Variants in KCNAB1 observed in about 807,000 individuals in gnomAD.
KCNAB1 encodes the protein potassium voltage-gated channel subfamily A regulatory beta subunit 1, also known as voltage-gated potassium channel subunit beta-1.
A neutral mutation model predicts 64.6 loss-of-function variants in KCNAB1; 35 were observed. The observed-to-expected ratio is 0.54, with a 90% CI of 0.41 to 0.72. The LOEUF is 0.72. KCNAB1 is among the 30% of genes least tolerant of loss of function. KCNAB1 has a pLI of 0.00. For synonymous variants in KCNAB1, 177 were observed against 183.8 expected (o/e 0.96, Z 0.30); for missense variants, 401 against 512.9 (o/e 0.78, Z 2.11).
chr3:156,377,811 T>A (rs1711804265), intron 1 of KCNAB1, among the ~76,000 whole-genome samples: 2 of 151,954 alleles, frequency 1.3e-5, no homozygotes, highest in African/African-American at 4.8e-5. Context: ...AAAGCTTCCA[T>A]AAGAACAAGC....
chr3:156,522,330 A>C (rs1718005235), intron 11 of KCNAB1, among the ~76,000 whole-genome samples: 1 of 152,088 alleles, frequency 6.6e-6, no homozygotes, highest in African/African-American at 2.4e-5. Context: ...TGAGGACACC[A>C]AAAGTAAGTT....
intron 7 of KCNAB1, among the ~76,000 whole-genome samples, chr3:156,470,266 C>G (rs1417824620): frequency 2.6e-5 from 4 of 152,158 alleles, no homozygotes; most frequent in Admixed American, 2.0e-4. Flanking sequence ...TCACAAAGTC[C>G]CCTCAGGTTC....
chr3:156,127,918 T>TGTGTGC (rs33965119), intron 1 of KCNAB1, among the ~76,000 whole-genome samples: 139 of 149,952 alleles, frequency 9.3e-4, no homozygotes, highest in South Asian at 8.4e-3. Flanking sequence ...TGTGTGTGTG[T>TGTGTGC]GCACGTGCGT....
chr3:156,225,940 T>G (rs1317219213), intron 1 of KCNAB1, among the ~76,000 whole-genome samples: 1 of 152,078 alleles, frequency 6.6e-6, no homozygotes, highest in Non-Finnish European at 1.5e-5. Context: ...GACATACAAA[T>G]GGAAACACAT....
At chr3:156,170,571 A>C (rs1711901860) in intron 1 of KCNAB1, among the ~76,000 whole-genome samples, 1 of 152,192 alleles carries the variant, frequency 6.6e-6, no homozygotes, top group Non-Finnish European at 1.5e-5. Flanking sequence ...ATTGCTGGTG[A>C]CAATTGGATC....
At chr3:156,360,452 A>G (rs956586985) in intron 1 of KCNAB1, among the ~76,000 whole-genome samples, 7 of 152,186 alleles carry the variant, frequency 4.6e-5, no homozygotes, top group Admixed American at 1.3e-4. Context: ...GCTCATGCCT[A>G]TAATCCCAGT....
At chr3:156,403,218 A>G (rs1417930727) in intron 1 of KCNAB1, among the ~76,000 whole-genome samples, 1 of 152,206 alleles carries the variant, frequency 6.6e-6, no homozygotes, top group African/African-American at 2.4e-5. Context: ...AAGTGTAGGA[A>G]ACTTCCAGGC....
intron 1 of KCNAB1, among the ~76,000 whole-genome samples, chr3:156,267,129 A>AT (rs1718768195): frequency 6.6e-6 from 1 of 152,188 alleles, no homozygotes; most frequent in Admixed American, 6.5e-5. Context: ...GGTATATAGT[A>AT]TATCTTTTTT....
chr3:156,188,433 T>C (rs1431952447), intron 1 of KCNAB1, among the ~76,000 whole-genome samples: 1 of 152,172 alleles, frequency 6.6e-6, no homozygotes, highest in African/African-American at 2.4e-5. Flanking sequence ...AAAAAAGCCA[T>C]GGTAAATATT....
chr3:156,439,516 G>A (rs868707644), intron 2 of KCNAB1, among the ~76,000 whole-genome samples: 14 of 152,192 alleles, frequency 9.2e-5, no homozygotes, highest in African/African-American at 3.1e-4. Flanking sequence ...CTTGCCAAGC[G>A]GACCTTAAAA....
At chr3:156,261,032 C>G (rs1718401244) in intron 1 of KCNAB1, among the ~76,000 whole-genome samples, 1 of 152,050 alleles carries the variant, frequency 6.6e-6, no homozygotes. Flanking sequence ...ATTGGCCATT[C>G]ACTTATTCTC....
intron 1 of KCNAB1, among the ~76,000 whole-genome samples, chr3:156,256,506 A>G (rs1718109341): frequency 1.3e-5 from 2 of 152,146 alleles, no homozygotes; most frequent in Non-Finnish European, 1.5e-5. Context: ...ATTTCATGAT[A>G]TCCTCAGGCA....
At chr3:156,334,403 T>G (rs1024468837) in intron 1 of KCNAB1, among the ~76,000 whole-genome samples, 1 of 152,200 alleles carries the variant, frequency 6.6e-6, no homozygotes, top group African/African-American at 2.4e-5. Context: ...GGAACCACCT[T>G]GGAAGGGCCT....
intron 1 of KCNAB1, among the ~76,000 whole-genome samples, chr3:156,238,413 C>G (rs1716976098): frequency 8.9e-6 from 1 of 112,268 alleles, no homozygotes; most frequent in Non-Finnish European, 1.7e-5. Flanking sequence ...AAGAGCGAGA[C>G]TTGGTCTCAA....
At position 156,152,103 on chromosome 3, in the gene KCNAB1, G is replaced by A. The variant is rs1013059918; in HGVS notation, c.275+31217G>A. Among the ~76,000 whole-genome samples the A allele has an allele frequency of 2.6e-5, 4 of 152,174 alleles. No homozygotes were observed. In the South Asian group the frequency reaches 8.3e-4, roughly 32 times the overall value. ...ACTGTGTCTCCCACAGCTACCCAGCGAGGGTTACCACGTTTTCTTCTGGAA... is the reference window on the plus strand; with the variant it reads ...ACTGTGTCTCCCACAGCTACCCAGCAAGGGTTACCACGTTTTCTTCTGGAA... On this transcript the variant is annotated intron_variant, in intron 1 of 13. Coordinates refer to ENST00000490337, the MANE Select transcript of KCNAB1 (RefSeq NM_172160.3).
chr3:156,299,059 G>A (rs1453031976), intron 1 of KCNAB1, among the ~76,000 whole-genome samples: 2 of 152,194 alleles, frequency 1.3e-5, no homozygotes, highest in African/African-American at 2.4e-5. Context: ...ATATAGATTG[G>A]CCAGTTAGTT....
intron 8 of KCNAB1, among the ~76,000 whole-genome samples, chr3:156,512,707 G>T (rs1717293800): frequency 5.3e-5 from 8 of 152,232 alleles, no homozygotes; most frequent in Admixed American, 5.2e-4. Flanking sequence ...GAGAAGAAAA[G>T]CGGTTCCTTA....
intron 1 of KCNAB1, among the ~76,000 whole-genome samples, chr3:156,181,521 G>A (rs1215252514): frequency 6.6e-6 from 1 of 152,180 alleles, no homozygotes; most frequent in African/African-American, 2.4e-5. Context: ...TGTTGGATTG[G>A]CTGGAAAGAA....
At chr3:156,144,717 C>T (rs1026983573) in intron 1 of KCNAB1, among the ~76,000 whole-genome samples, 2 of 152,266 alleles carry the variant, frequency 1.3e-5, no homozygotes, top group East Asian at 1.9e-4. Context: ...GAACACAGAT[C>T]GGGCGAAGGG....
Sources: gnomAD v4.1 joint callset for allele counts (sites outside exome capture counted in the v4.1 genomes callset) on GRCh38, gnomAD v4.1.1 for gene constraint, MANE v1.5 for transcripts, NCBI Gene and HGNC (gene_info 2026-07-23, HGNC 2026-07-21) for gene names.